The following SLIT2 variants were observed in gnomAD, a reference collection of about 807,000 sequenced individuals.
SLIT2 encodes slit homolog 2 protein.
In SLIT2, 41 loss-of-function variants were observed where a neutral mutation model predicts 185.7. The observed-to-expected ratio is 0.22, with a 90% CI of 0.17 to 0.29. The LOEUF (loss-of-function observed/expected upper bound fraction) is 0.29. Among genes scored for constraint, SLIT2 ranks in the 10% least tolerant of loss-of-function variants. The probability of loss-of-function intolerance (pLI) is 1.00; values close to 1 mark genes in which losing one functional copy is unlikely to be tolerated. For missense variants in SLIT2, 1,571 were observed against 1,909.0 expected, an observed-to-expected ratio of 0.82 and a Z score of 3.30; for synonymous variants, 693 against 680.2, an observed-to-expected ratio of 1.02 and a Z score of -0.29.
At chr4:20,255,992 C>G (rs949902439) in intron 1 of SLIT2, among the ~76,000 whole-genome samples, 1 of 152,168 alleles carries the variant, frequency 6.6e-6, no homozygotes, top group African/African-American at 2.4e-5. Flanking sequence ...AAAAGTGCTG[C>G]AGAAATCTGA....
At chr4:20,380,831 C>G (rs567884287) in intron 4 of SLIT2, among the ~76,000 whole-genome samples, 10 of 151,990 alleles carry the variant, frequency 6.6e-5, no homozygotes, top group African/African-American at 2.4e-4. Flanking sequence ...GGGGGACAAG[C>G]AGAAAAATAA....
At chr4:20,291,298 T>C (rs957515216) in intron 4 of SLIT2, among the ~76,000 whole-genome samples, 2 of 151,532 alleles carry the variant, frequency 1.3e-5, no homozygotes, top group Non-Finnish European at 1.5e-5. Flanking sequence ...TCTTCAAGGA[T>C]TGTCCAAGTT....
chr4:20,269,122 T>G (rs1385617343), intron 4 of SLIT2, among the ~76,000 whole-genome samples: 1 of 151,890 alleles, frequency 6.6e-6, no homozygotes, highest in African/African-American at 2.4e-5. Context: ...TATTATTTTT[T>G]TGGTAACGTG....
chr4:20,443,698 G>A (rs1209459850), intron 4 of SLIT2, among the ~76,000 whole-genome samples: 5 of 151,814 alleles, frequency 3.3e-5, no homozygotes. Flanking sequence ...GCGGTCTTAG[G>A]TGCTGGAAAT....
At chr4:20,354,095 A>T (rs1429820203) in intron 4 of SLIT2, among the ~76,000 whole-genome samples, 3 of 152,182 alleles carry the variant, frequency 2.0e-5, no homozygotes, top group East Asian at 1.9e-4. Context: ...TTTGCTAAAA[A>T]TTTTTAAGAA....
At chr4:20,347,434 T>C (rs938238667) in intron 4 of SLIT2, among the ~76,000 whole-genome samples, 5 of 152,230 alleles carry the variant, frequency 3.3e-5, no homozygotes, top group African/African-American at 7.2e-5. Context: ...ATGAGTCTAT[T>C]GCATGGTGGT....
chr4:20,510,777 A>G (rs568150182), intron 10 of SLIT2, among the ~76,000 whole-genome samples: 4 of 152,250 alleles, frequency 2.6e-5, no homozygotes, highest in Admixed American at 6.5e-5. Flanking sequence ...ATATTGATTC[A>G]TACAAATGTG....
intron 28 of SLIT2, 140 bp downstream of exon 28, chr4:20,567,755 T>TCGTAGATATTGCAATATAAAA: frequency 1.5e-6 from 1 of 660,626 alleles, no homozygotes; most frequent in Non-Finnish European, 2.7e-6. Context: ...TTGGTCCCTC[T>TCGTAGATATTGCAATATAAAA]CGTAGATATT....
At chr4:20,280,833 G>GTTGTTTTTTTTTT (rs756763339) in intron 4 of SLIT2, among the ~76,000 whole-genome samples, 2 of 130,652 alleles carry the variant, frequency 1.5e-5, no homozygotes, top group Admixed American at 7.7e-5. Context: ...TTAAAAAAAT[G>GTTGTTTTTTTTTT]TTTTTTTTTT....
rs372695267 is a variant in SLIT2, at chr4:20,253,775, A to G, written c.-41A>G. The G allele has an allele frequency of 1.9e-6, 3 of 1,590,426 alleles. No homozygotes were observed. The highest frequency in any genetic ancestry group is 1.1e-5 in the South Asian group (1 of 90,090). On this transcript the variant is annotated 5_prime_UTR_variant, in exon 1 of 37. Coordinates refer to ENST00000504154, the MANE Select transcript of SLIT2 (RefSeq NM_004787.4). ...GTTCCCTCGGAGCAGCAAGCTAAAG[A>G]AAGCCCCCAGTGCCGGCGAGGAAGG...
chr4:20,254,004 C>T lies in SLIT2; in HGVS notation c.179+10C>T, dbSNP rs761687282. ...GCAACACCGAGAGACTGTGAGTATGCGCTCTTCGTCTTCCCCTCTCCCCAT... is the reference window on the plus strand; with the variant it reads ...GCAACACCGAGAGACTGTGAGTATGTGCTCTTCGTCTTCCCCTCTCCCCAT... On this transcript the variant is annotated intron_variant, in intron 1 of 36. Coordinates refer to ENST00000504154, the MANE Select transcript of SLIT2 (RefSeq NM_004787.4). This position sits in a 1 kb window ranked among gnomAD's most constrained non-coding sequence, Gnocchi z 5.1. The T allele has an allele frequency of 1.9e-6, 3 of 1,596,640 alleles. No homozygotes were observed. Among genetic ancestry groups the T allele is most frequent in the East Asian group, 4.5e-5 (2 of 44,690 alleles).
chr4:20,297,935 G>A (rs971908857), intron 4 of SLIT2, among the ~76,000 whole-genome samples: 1 of 152,098 alleles, frequency 6.6e-6, no homozygotes, highest in Non-Finnish European at 1.5e-5. Flanking sequence ...TAGAAACAAT[G>A]TTGTAAATAT....
chr4:20,533,365 G>A (rs1004675314), intron 17 of SLIT2: 13 of 566,088 alleles, frequency 2.3e-5, no homozygotes, highest in African/African-American at 1.9e-4. Flanking sequence ...AGTCACGCTG[G>A]CATTTTTTAC....
At chr4:20,416,018 G>A (rs1396942455) in intron 4 of SLIT2, among the ~76,000 whole-genome samples, 3 of 152,020 alleles carry the variant, frequency 2.0e-5, no homozygotes, top group African/African-American at 4.8e-5. Flanking sequence ...AATATATCCT[G>A]GCCATTGTTG....
chr4:20,461,167 A>G (rs1477475263), intron 4 of SLIT2, among the ~76,000 whole-genome samples: 1 of 152,156 alleles, frequency 6.6e-6, no homozygotes, highest in African/African-American at 2.4e-5. Context: ...TCTCCATCTC[A>G]CGGTGATAGG....
chr4:20,596,805 AT>A (rs2148959557), intron 32 of SLIT2, 150 bp downstream of exon 32: 1 of 664,394 alleles, frequency 1.5e-6, no homozygotes, highest in South Asian at 2.6e-5. Flanking sequence ...AGCGTTAGTA[AT>A]TTTTCTCTTC....
At chr4:20,519,481 C>A (rs569219255) in intron 12 of SLIT2, 28 bp downstream of exon 12, 2 of 1,338,878 alleles carry the variant, frequency 1.5e-6, no homozygotes, top group East Asian at 2.3e-5. Flanking sequence ...TTGGATCTCT[C>A]GAGCCTAATA....
At position 20,617,169 on chromosome 4, in the gene SLIT2, A is replaced by G. The variant is rs1009555875; in HGVS notation, c.4107A>G (p.Gln1369=). 2 of 1,600,258 alleles carry G rather than the reference A, an allele frequency of 1.2e-6. No homozygotes were observed. Among genetic ancestry groups the G allele is most frequent in the African/African-American group, 2.7e-5 (2 of 74,666 alleles). The change falls in exon 35 of 37, where the codon CAA becomes CAG. Residue 1369 remains glutamine, a synonymous_variant. Coordinates refer to ENST00000504154, the MANE Select transcript of SLIT2 (RefSeq NM_004787.4). ...QEGWMGPLCD[Q]RTNDPCLGNK... ...GATGGATGGGGCCCCTCTGTGACCAACGGACCAATGACCCTTGCCTTGGAA... is the reference window on the plus strand; with the variant it reads ...GATGGATGGGGCCCCTCTGTGACCAGCGGACCAATGACCCTTGCCTTGGAA...
At chr4:20,604,075 C>T (rs1324728964) in intron 33 of SLIT2, among the ~76,000 whole-genome samples, 1 of 152,174 alleles carries the variant, frequency 6.6e-6, no homozygotes, top group Non-Finnish European at 1.5e-5. Context: ...AAGCACCTAA[C>T]ATCGTGCTTG....
Sources: gnomAD v4.1 joint callset for allele counts (sites outside exome capture counted in the v4.1 genomes callset) on GRCh38, gnomAD v4.1.1 for gene constraint, Gnocchi (gnomAD v3.1) non-coding constraint, MANE v1.5 for transcripts, NCBI Gene and HGNC (gene_info 2026-07-23, HGNC 2026-07-21) for gene names.